WDPCP: variants seen among roughly 807,000 people sequenced by gnomAD.
WDPCP encodes the protein WD repeat containing planar cell polarity effector, also known as WD repeat-containing and planar cell polarity effector protein fritz homolog.
A neutral mutation model predicts 93.1 loss-of-function variants in WDPCP; 71 were observed. The ratio of observed to expected loss-of-function variants is 0.76; its 90% confidence interval spans 0.63 to 0.93. The LOEUF is 0.93. Ranked by LOEUF, WDPCP falls within the 40% of genes least tolerant of loss-of-function variation. The probability of loss-of-function intolerance (pLI) is 0.00; values close to 1 mark genes in which losing one functional copy is unlikely to be tolerated. For synonymous variants in WDPCP, 315 were observed against 315.0 expected, an observed-to-expected ratio of 1.00 and a Z score of 0.00; for missense variants, 844 against 887.4, an observed-to-expected ratio of 0.95 and a Z score of 0.62.
intron 13 of WDPCP, among the ~76,000 whole-genome samples, chr2:63,302,850 C>G (rs1161114697): frequency 1.3e-5 from 2 of 152,226 alleles, no homozygotes; most frequent in Non-Finnish European, 2.9e-5. Context: ...CAGTAACAAA[C>G]TTGGCTACAG....
chr2:63,169,680 A>T (rs903216101), intron 15 of WDPCP, among the ~76,000 whole-genome samples: 8 of 152,078 alleles, frequency 5.3e-5, no homozygotes, highest in Non-Finnish European at 2.9e-5. Context: ...TTTTTCAAGG[A>T]ATCCAATTAT....
chr2:63,398,224 T>G (rs922284590), intron 10 of WDPCP, among the ~76,000 whole-genome samples: 1 of 152,152 alleles, frequency 6.6e-6, no homozygotes, highest in Non-Finnish European at 1.5e-5. Flanking sequence ...GCTGATAATG[T>G]GAGTTTAAGG....
intron 2 of WDPCP, among the ~76,000 whole-genome samples, chr2:63,712,642 T>G (rs1669279897): frequency 6.6e-6 from 1 of 152,198 alleles, no homozygotes; most frequent in African/African-American, 2.4e-5. Flanking sequence ...ATAAGTGGGT[T>G]CAAAAATTCC....
At chr2:63,523,070 C>G (rs1452337867) in intron 1 of WDPCP, among the ~76,000 whole-genome samples, 1 of 152,192 alleles carries the variant, frequency 6.6e-6, no homozygotes, top group Non-Finnish European at 1.5e-5. Context: ...AAAATACTAG[C>G]ACACAAAATC....
intron 3 of WDPCP, among the ~76,000 whole-genome samples, chr2:63,619,030 G>A (rs1158098268): frequency 6.6e-6 from 1 of 152,096 alleles, no homozygotes; most frequent in African/African-American, 2.4e-5. Flanking sequence ...TAAATTGTAT[G>A]GTGTGAAGAG....
At chr2:63,234,756 T>C (rs1242663462) in intron 14 of WDPCP, among the ~76,000 whole-genome samples, 2 of 152,290 alleles carry the variant, frequency 1.3e-5, no homozygotes, top group South Asian at 2.1e-4. Flanking sequence ...TTATGTACAT[T>C]GTAGTATAGA....
chr2:63,205,830 C>T (rs142797982), intron 14 of WDPCP, among the ~76,000 whole-genome samples: 73 of 152,188 alleles, frequency 4.8e-4, no homozygotes, highest in African/African-American at 1.6e-3. Context: ...TTCTCTTGTC[C>T]GATTGCTCTT....
At chr2:63,320,275 G>A (rs1410051663) in intron 12 of WDPCP, among the ~76,000 whole-genome samples, 2 of 152,062 alleles carry the variant, frequency 1.3e-5, no homozygotes, top group African/African-American at 2.4e-5. Flanking sequence ...TTTGCAGGAA[G>A]AAACCAAGAA....
chr2:63,182,377 G>A (rs2104104112), intron 14 of WDPCP, among the ~76,000 whole-genome samples: 1 of 152,026 alleles, frequency 6.6e-6, no homozygotes, highest in South Asian at 2.1e-4. Flanking sequence ...TTTATCAAAT[G>A]CTTTTTCTGT....
upstream of WDPCP, among the ~76,000 whole-genome samples, chr2:63,830,749 T>A (rs919588723): frequency 1.3e-5 from 2 of 152,154 alleles, no homozygotes; most frequent in African/African-American, 4.8e-5. Flanking sequence ...AATTGGCTAT[T>A]CTTCCTTATT....
intron 2 of WDPCP, among the ~76,000 whole-genome samples, chr2:63,760,810 T>C (rs1370855524): frequency 4.6e-5 from 7 of 152,196 alleles, no homozygotes; most frequent in Non-Finnish European, 2.9e-5. Flanking sequence ...TAAATTCTGC[T>C]TTCCTTGTGG....
intron 1 of WDPCP, among the ~76,000 whole-genome samples, chr2:63,823,224 T>C (rs1457887360): frequency 1.3e-5 from 2 of 151,158 alleles, no homozygotes; most frequent in Non-Finnish European, 3.0e-5. Flanking sequence ...ACAAAAAACT[T>C]TGGCCAGGCG....
At chr2:63,308,564 TA>T in intron 13 of WDPCP, among the ~76,000 whole-genome samples, 1 of 151,996 alleles carries the variant, frequency 6.6e-6, no homozygotes, top group Admixed American at 6.5e-5. Flanking sequence ...TATGCAGCCA[TA>T]AAAAAGGATG....
chr2:63,129,508 G>T (rs1670151260), intron 17 of WDPCP, among the ~76,000 whole-genome samples: 1 of 152,068 alleles, frequency 6.6e-6, no homozygotes, highest in Non-Finnish European at 1.5e-5. Flanking sequence ...TCAAATAATA[G>T]CCATTCCAAT....
intron 2 of WDPCP, among the ~76,000 whole-genome samples, chr2:63,808,948 C>A (rs1187058179): frequency 1.3e-5 from 2 of 151,970 alleles, no homozygotes; most frequent in African/African-American, 2.4e-5. Flanking sequence ...AGTGTCTCTG[C>A]CCGGCCTCCC....
At chr2:63,535,510 G>A (rs1422787069) in intron 1 of WDPCP, among the ~76,000 whole-genome samples, 2 of 152,280 alleles carry the variant, frequency 1.3e-5, no homozygotes, top group East Asian at 3.9e-4. Flanking sequence ...TACCAAAACA[G>A]AGATATAGAC....
intron 17 of WDPCP, among the ~76,000 whole-genome samples, chr2:63,143,055 A>G (rs1272704400): frequency 6.6e-6 from 1 of 151,860 alleles, no homozygotes; most frequent in Non-Finnish European, 1.5e-5. Flanking sequence ...AGTTCAAGCG[A>G]TTCTCCTGCC....
chr2:63,699,286 G>A (rs1249515892), intron 2 of WDPCP, among the ~76,000 whole-genome samples: 2 of 152,186 alleles, frequency 1.3e-5, no homozygotes, highest in East Asian at 3.8e-4. Context: ...TGTAATGGTA[G>A]TACTTCACAG....
intron 3 of WDPCP, among the ~76,000 whole-genome samples, chr2:63,609,470 G>T (rs1322246274): frequency 6.6e-6 from 1 of 152,094 alleles, no homozygotes; most frequent in Non-Finnish European, 1.5e-5. Flanking sequence ...CCTTCCTGTT[G>T]GTTTCCTCTA....
Sources: allele counts gnomAD v4.1 joint callset (sites outside exome capture counted in the v4.1 genomes callset), GRCh38; gene constraint gnomAD v4.1.1; transcripts MANE v1.5; gene names NCBI Gene and HGNC (gene_info 2026-07-23, HGNC 2026-07-21).